CFDP1: variants seen among roughly 807,000 people sequenced by gnomAD.
The protein encoded by CFDP1 is chromatin remodeling protein CFDP1, also known as heterochromatin-stabilizing protein CFDP1.
In CFDP1, 31 loss-of-function variants were observed where a neutral mutation model predicts 40.1. The observed-to-expected ratio is 0.77, with a 90% CI of 0.58 to 1.04. The LOEUF (loss-of-function observed/expected upper bound fraction) is 1.04. CFDP1 is among the 50% of genes least tolerant of loss of function. The pLI is 0.00. For synonymous variants in CFDP1, 167 were observed against 120.0 expected, an observed-to-expected ratio of 1.39 and a Z score of -2.56; for missense variants, 423 against 343.4, an observed-to-expected ratio of 1.23 and a Z score of -1.83.
intron 5 of CFDP1, among the ~76,000 whole-genome samples, chr16:75,373,895 A>G (rs1004223617): frequency 1.3e-5 from 2 of 152,236 alleles, no homozygotes; most frequent in Non-Finnish European, 2.9e-5. Flanking sequence ...CTTTACAAAC[A>G]TACTGTTTCT....
chr16:75,381,293 G>C (rs1259313695), intron 5 of CFDP1: 1 of 151,942 alleles, frequency 6.6e-6, no homozygotes, highest in Non-Finnish European at 1.5e-5. Context: ...GTGAGACCCT[G>C]TCTCAATAAA....
intron 1 of CFDP1, among the ~76,000 whole-genome samples, chr16:75,419,999 G>C (rs537854881): frequency 1.3e-5 from 2 of 151,458 alleles, no homozygotes; most frequent in African/African-American, 4.8e-5. Flanking sequence ...CCCTCTCTTG[G>C]GGTCTGGGTC....
At chr16:75,310,243 G>A (rs982070211) in intron 5 of CFDP1, among the ~76,000 whole-genome samples, 1 of 152,200 alleles carries the variant, frequency 6.6e-6, no homozygotes, top group African/African-American at 2.4e-5. Flanking sequence ...ATAAGAGAGA[G>A]TGGCTGAGTG....
chr16:75,416,180 T>C (rs1263794167), intron 1 of CFDP1, among the ~76,000 whole-genome samples: 3 of 152,040 alleles, frequency 2.0e-5, no homozygotes, highest in Non-Finnish European at 4.4e-5. Context: ...ACTTCACTTA[T>C]AATGTACCAA....
chr16:75,349,691 AT>A (rs1490238583), intron 5 of CFDP1, among the ~76,000 whole-genome samples: 2 of 33,814 alleles, frequency 5.9e-5, no homozygotes, highest in African/African-American at 1.7e-4. Context: ...AAAAAAAAAA[AT>A]ATATATACAT....
At chr16:75,402,471 C>G (rs2079063991) in intron 4 of CFDP1, among the ~76,000 whole-genome samples, 1 of 152,084 alleles carries the variant, frequency 6.6e-6, no homozygotes, top group African/African-American at 2.4e-5. Flanking sequence ...GGTTAATAAG[C>G]TAAACATTTT....
chr16:75,348,732 C>CATTA (rs2078587554), intron 5 of CFDP1, among the ~76,000 whole-genome samples: 1 of 152,134 alleles, frequency 6.6e-6, no homozygotes, highest in Admixed American at 6.5e-5. Context: ...AATCCATGAA[C>CATTA]ATTAAATGTC....
At chr16:75,401,723 G>C (rs556999577) in intron 4 of CFDP1, among the ~76,000 whole-genome samples, 3 of 152,006 alleles carry the variant, frequency 2.0e-5, no homozygotes, top group East Asian at 3.9e-4. Flanking sequence ...TCTAGGTAAT[G>C]CATGTTTGGT....
chr16:75,410,094 CA>C (rs1239789948), intron 4 of CFDP1, among the ~76,000 whole-genome samples: 930 of 69,794 alleles, frequency 0.013, 8 homozygotes, highest in African/African-American at 0.043. Context: ...AAACCCAAAA[CA>C]AAAAAACTGA....
chr16:75,327,072 C>T (rs1474805611), intron 5 of CFDP1, among the ~76,000 whole-genome samples: 1 of 152,076 alleles, frequency 6.6e-6, no homozygotes, highest in Admixed American at 6.6e-5. Flanking sequence ...AGATCGAGAC[C>T]ATCCTGGCAC....
chr16:75,311,304 T>C (rs2078291389), intron 5 of CFDP1, among the ~76,000 whole-genome samples: 1 of 152,144 alleles, frequency 6.6e-6, no homozygotes, highest in African/African-American at 2.4e-5. Flanking sequence ...CAAACCCAGA[T>C]AATTTAAAAA....
In CFDP1 at chr16:75,433,299, G is replaced by T; in HGVS notation, c.54C>A (p.Tyr18Ter). ...DFSTSEEDED[Y>*]VPSGGEYSED... ...GGCGGAATCGCTCACCCGACGGCAC[G>T]TAGTCCTCGTCCTCCTCCGACGTAG... Residue 18 changes from tyrosine to a stop codon, truncating the protein, a stop_gained, in exon 1 of 7, where the codon TAC becomes TAA. Coordinates refer to ENST00000283882, the MANE Select transcript of CFDP1 (RefSeq NM_006324.3). LOFTEE classifies it high-confidence loss of function. 1 of 1,600,318 alleles carries T rather than the reference G, an allele frequency of 6.2e-7. No homozygotes were observed. Among genetic ancestry groups the T allele is most frequent in the Non-Finnish European group, 8.5e-7 (1 of 1,174,768 alleles).
intron 6 of CFDP1, among the ~76,000 whole-genome samples, chr16:75,302,824 C>T (rs1186456232): frequency 6.6e-6 from 1 of 152,238 alleles, no homozygotes; most frequent in Non-Finnish European, 1.5e-5. Context: ...CTGGCCCCCT[C>T]TCCCTGTCCT....
chr16:75,367,452 G>C (rs1015429761), intron 5 of CFDP1, among the ~76,000 whole-genome samples: 2 of 143,092 alleles, frequency 1.4e-5, no homozygotes, highest in African/African-American at 5.0e-5. Flanking sequence ...AAAAAAAATT[G>C]CTAGGGATAA....
chr16:75,377,584 T>C (rs909667589), intron 5 of CFDP1, among the ~76,000 whole-genome samples: 1 of 152,162 alleles, frequency 6.6e-6, no homozygotes, highest in African/African-American at 2.4e-5. Context: ...AAACTAAATG[T>C]GAGAGAAGAT....
chr16:75,364,224 T>TA (rs2078699085), intron 5 of CFDP1, among the ~76,000 whole-genome samples: 1 of 152,136 alleles, frequency 6.6e-6, no homozygotes, highest in South Asian at 2.1e-4. Context: ...ATTCACTTTT[T>TA]AAAAAAATGG....
In CFDP1 at chr16:75,351,121, A is replaced by C. The variant is rs117279885; in HGVS notation, c.650+43969T>G. 1.4e-4 allele frequency among the ~76,000 whole-genome samples: 22 copies of C among 152,332 alleles called. No individual in the cohort carries two copies. In the East Asian group the frequency reaches 4.0e-3, roughly 28 times the overall value. On this transcript the variant is annotated intron_variant, in intron 5 of 6. Transcript: ENST00000283882. Reference sequence around the variant, plus strand: ...TAAATGGATATTTATATGACATCTCATCATTCCGGTGTTTTGTTCTTAGGA... The same window carrying C: ...TAAATGGATATTTATATGACATCTCCTCATTCCGGTGTTTTGTTCTTAGGA...
At chr16:75,308,743 T>C (rs1295169864) in intron 5 of CFDP1, among the ~76,000 whole-genome samples, 1 of 152,228 alleles carries the variant, frequency 6.6e-6, no homozygotes, top group Non-Finnish European at 1.5e-5. Flanking sequence ...CCACAAGCTA[T>C]GTACGCCACC....
At chr16:75,303,503 A>ACAC (rs2078237257) in intron 6 of CFDP1, among the ~76,000 whole-genome samples, 1 of 128,074 alleles carries the variant, frequency 7.8e-6, no homozygotes, top group Admixed American at 8.6e-5. Context: ...TAGAAATATG[A>ACAC]CCCCCCCCAA....
Sources: allele counts gnomAD v4.1 joint callset (sites outside exome capture counted in the v4.1 genomes callset), GRCh38; gene constraint gnomAD v4.1.1; transcripts MANE v1.5; gene names NCBI Gene and HGNC (gene_info 2026-07-23, HGNC 2026-07-21).